Variants in RSPO2 observed in about 807,000 individuals in gnomAD.
RSPO2 encodes the protein R-spondin 2.
In RSPO2, 14 loss-of-function variants were observed where a neutral mutation model predicts 30.9. The observed-to-expected ratio is 0.45, with a 90% CI of 0.30 to 0.71. The LOEUF (loss-of-function observed/expected upper bound fraction) is 0.71. Ranked by LOEUF, RSPO2 falls within the 30% of genes least tolerant of loss-of-function variation. The probability of loss-of-function intolerance (pLI) is 0.08; values close to 1 mark genes in which losing one functional copy is unlikely to be tolerated. For synonymous variants in RSPO2, 107 were observed against 96.4 expected, an observed-to-expected ratio of 1.11 and a Z score of -0.64; for missense variants, 264 against 301.9, an observed-to-expected ratio of 0.87 and a Z score of 0.93.
chr8:107,949,241 T>C (rs1813165726), intron 5 of RSPO2, among the ~76,000 whole-genome samples: 1 of 152,146 alleles, frequency 6.6e-6, no homozygotes, highest in Non-Finnish European at 1.5e-5. Context: ...TACTTATAAG[T>C]GAGAACACAC....
intron 3 of RSPO2, among the ~76,000 whole-genome samples, chr8:107,985,656 A>C (rs746545583): frequency 6.6e-6 from 1 of 152,160 alleles, no homozygotes; most frequent in Non-Finnish European, 1.5e-5. Flanking sequence ...AGGCCTGTGT[A>C]CTTTTCTAAG....
At chr8:107,914,931 T>A (rs1811934335) in intron 5 of RSPO2, among the ~76,000 whole-genome samples, 2 of 152,156 alleles carry the variant, frequency 1.3e-5, no homozygotes, top group South Asian at 4.1e-4. Context: ...GCCAGATTGG[T>A]TCTAACATAT....
intron 3 of RSPO2, among the ~76,000 whole-genome samples, chr8:107,961,867 T>C (rs1400579536): frequency 6.6e-6 from 1 of 152,220 alleles, no homozygotes; most frequent in Non-Finnish European, 1.5e-5. Flanking sequence ...AGCAATAATT[T>C]ATAAGCTTGT....
rs1243442989 is a variant in RSPO2, at chr8:107,989,070, A to C, written c.269T>G (p.Met90Arg). The C allele has an allele frequency of 6.2e-7, 1 of 1,607,790 alleles. No individual in the cohort carries two copies. The highest frequency in any genetic ancestry group is 2.1e-4 in the Middle Eastern group (1 of 4,676). ...SGYYGHRAPDMNRCARCRIEN... is the reference protein window; with the variant it reads ...SGYYGHRAPDRNRCARCRIEN... ...CAAATGCTCACTTGCACATCTGTTC[A>C]TATCTGGGGCTCGGTGTCCATAGTA... Residue 90 changes from methionine to arginine, a missense_variant, in exon 3 of 6, where the codon ATG becomes AGG. Met to Arg is a moderately conservative substitution (Grantham distance 91). Transcript: ENST00000276659.
At chr8:108,029,674 GA>G (rs1224382875) in intron 2 of RSPO2, among the ~76,000 whole-genome samples, 2 of 152,128 alleles carry the variant, frequency 1.3e-5, no homozygotes, top group Admixed American at 6.5e-5. Flanking sequence ...TGACTCAAGG[GA>G]AATAAAAGAT....
Position 107,960,680 on chromosome 8 carries a change from A to C in RSPO2, c.421T>G (p.Cys141Gly), listed in dbSNP as rs368950936. The change falls in exon 4 of 6, where the codon TGT becomes GGT. Residue 141 changes from cysteine to glycine, a missense_variant. Cys to Gly is a radical substitution (Grantham distance 159). Coordinates refer to ENST00000276659, the MANE Select transcript of RSPO2 (RefSeq NM_178565.5). ...TACATTAAAAACTACTCACCCACAC[A>C]TTCCATGGTTTCTTCTAATGGTGCA... The part of the protein sequence containing the change: ...GFAPLEETME[C>G]VEGCEVGHWS... The C allele has an allele frequency of 6.2e-7, 1 of 1,609,988 alleles. No individual in the cohort carries two copies.
intron 5 of RSPO2, among the ~76,000 whole-genome samples, chr8:107,956,026 G>T (rs371220325): frequency 1.4e-4 from 21 of 152,170 alleles, no homozygotes; most frequent in African/African-American, 4.6e-4. Context: ...ACCTATTGAA[G>T]AAAGGAACTT....
At chr8:107,982,106 T>C (rs1339180275) in intron 3 of RSPO2, among the ~76,000 whole-genome samples, 1 of 145,828 alleles carries the variant, frequency 6.9e-6, no homozygotes, top group East Asian at 2.0e-4. Flanking sequence ...TTTCACAAAA[T>C]GTCAAAACAA....
At chr8:108,029,054 CTTTTTTTT>C (rs71308771) in intron 2 of RSPO2, among the ~76,000 whole-genome samples, 143 of 26,138 alleles carry the variant, frequency 5.5e-3, no homozygotes, top group African/African-American at 9.9e-3. Flanking sequence ...TAACATGAGT[CTTTTTTTT>C]TTTTTTTTTT....
chr8:108,014,126 C>T (rs1208949585), intron 2 of RSPO2, among the ~76,000 whole-genome samples: 1 of 152,150 alleles, frequency 6.6e-6, no homozygotes, highest in Non-Finnish European at 1.5e-5. Context: ...AAATGCAAAT[C>T]AAAACCACAA....
chr8:107,991,061 T>A (rs997316599), intron 2 of RSPO2, among the ~76,000 whole-genome samples: 2 of 151,990 alleles, frequency 1.3e-5, no homozygotes, highest in Admixed American at 1.3e-4. Flanking sequence ...AGAAACCCTA[T>A]CTCTACAAAA....
intron 3 of RSPO2, among the ~76,000 whole-genome samples, chr8:107,962,074 T>C (rs995017553): frequency 1.2e-4 from 19 of 152,284 alleles, no homozygotes; most frequent in Admixed American, 3.9e-4. Context: ...ACCGACGCAA[T>C]TGACAGCACG....
intron 2 of RSPO2, among the ~76,000 whole-genome samples, chr8:108,018,505 G>T (rs755194144): frequency 5.9e-5 from 9 of 152,166 alleles, no homozygotes; most frequent in Non-Finnish European, 1.2e-4. Context: ...AACAATACAT[G>T]TATGATTTTA....
At chr8:108,024,654 A>G (rs1417380634) in intron 2 of RSPO2, among the ~76,000 whole-genome samples, 1 of 152,218 alleles carries the variant, frequency 6.6e-6, no homozygotes, top group Non-Finnish European at 1.5e-5. Flanking sequence ...TGAAAAGTAC[A>G]CACACACCTC....
chr8:107,957,602 T>A (rs1398894583), intron 5 of RSPO2, among the ~76,000 whole-genome samples: 1 of 152,208 alleles, frequency 6.6e-6, no homozygotes, highest in Non-Finnish European at 1.5e-5. Context: ...TAAGACAATG[T>A]TTATTCCTCT....
intron 5 of RSPO2, among the ~76,000 whole-genome samples, chr8:107,925,654 G>T (rs1439611928): frequency 6.6e-6 from 1 of 151,912 alleles, no homozygotes; most frequent in Non-Finnish European, 1.5e-5. Context: ...AACATGTGGT[G>T]TTTGGTTTTT....
intron 2 of RSPO2, among the ~76,000 whole-genome samples, chr8:108,028,419 C>T (rs1451236837): frequency 6.6e-6 from 1 of 152,182 alleles, no homozygotes; most frequent in Non-Finnish European, 1.5e-5. Flanking sequence ...TGCTCTACAT[C>T]GCACAGGAGG....
At chr8:107,935,885 C>T (rs1041372623) in intron 5 of RSPO2, among the ~76,000 whole-genome samples, 15 of 152,132 alleles carry the variant, frequency 9.9e-5, no homozygotes, top group Non-Finnish European at 1.6e-4. Flanking sequence ...CATGCATAGA[C>T]TGTGTAATGA....
chr8:107,963,581 C>A (rs865796496), intron 3 of RSPO2, among the ~76,000 whole-genome samples: 1 of 123,498 alleles, frequency 8.1e-6, no homozygotes, highest in Non-Finnish European at 1.6e-5. Flanking sequence ...TAGTATGACA[C>A]AATAAAACTA....
Sources: allele counts gnomAD v4.1 joint callset (sites outside exome capture counted in the v4.1 genomes callset), GRCh38; gene constraint gnomAD v4.1.1; transcripts MANE v1.5; gene names NCBI Gene and HGNC (gene_info 2026-07-23, HGNC 2026-07-21).